PRG4: variants seen among roughly 807,000 people sequenced by gnomAD.
The protein encoded by PRG4 is articular superficial zone protein.
Under a neutral mutation model 91.2 loss-of-function variants are expected in PRG4, and 61 were observed. That is an observed-to-expected ratio of 0.67 (90% CI 0.54 to 0.83). The LOEUF is 0.83. PRG4 is among the 40% of genes least tolerant of loss of function. The pLI is 0.00. For missense variants in PRG4, 1,564 were observed against 1,714.2 expected (o/e 0.91, Z 1.55); for synonymous variants, 576 against 614.2 (o/e 0.94, Z 0.92).
chr1:186,298,220 A>G (rs1291828803), intron 2 of PRG4, among the ~76,000 whole-genome samples: 1 of 152,006 alleles, frequency 6.6e-6, no homozygotes, highest in Admixed American at 6.6e-5. Context: ...GTCTCTATAC[A>G]AAATACAAAA....
chr1:186,312,417 T>G (rs766571324), intron 11 of PRG4, 45 bp downstream of exon 11: 3 of 1,514,238 alleles, frequency 2.0e-6, no homozygotes, highest in Non-Finnish European at 2.7e-6. Flanking sequence ...CATAAGTAGA[T>G]GTAATACAGT....
intron 3 of PRG4, among the ~76,000 whole-genome samples, chr1:186,301,150 C>G (rs530667799): frequency 6.6e-6 from 1 of 151,928 alleles, no homozygotes; most frequent in African/African-American, 2.4e-5. Flanking sequence ...GACCCATTTA[C>G]GTGGAATATA....
intron 3 of PRG4, 29 bp downstream of exon 3, chr1:186,300,242 G>C: frequency 6.2e-7 from 1 of 1,613,320 alleles, no homozygotes; most frequent in Non-Finnish European, 8.5e-7. Flanking sequence ...TGTCTCCTCT[G>C]TCAAGCAACA....
chr1:186,302,345 G>A (rs1557930345), intron 4 of PRG4, among the ~76,000 whole-genome samples: 1 of 152,128 alleles, frequency 6.6e-6, no homozygotes, highest in Non-Finnish European at 1.5e-5. Flanking sequence ...TCTATTTATA[G>A]GTCTTGAAGG....
intron 6 of PRG4, among the ~76,000 whole-genome samples, chr1:186,305,779 C>A (rs373043097): frequency 1.3e-5 from 2 of 152,222 alleles, no homozygotes; most frequent in African/African-American, 4.8e-5. Context: ...TCCTTATGTC[C>A]CCTGGGACCT....
rs1657380073 is a variant in PRG4, at chr1:186,312,871, A to T, written c.4094A>T (p.Tyr1365Phe). 2 of 1,612,576 alleles carry T rather than the reference A, an allele frequency of 1.2e-6. No homozygotes were observed. The highest frequency in any genetic ancestry group is 3.3e-5 in the Admixed American group (2 of 60,018). ...CCCAACATCAGAAAACCTGACGGCT[A>T]TGATTACTATGCCTTTTCTAAAGGT... ...SLPNIRKPDG[Y>F]DYYAFSKDQY... Residue 1365 changes from tyrosine to phenylalanine, a missense_variant, in exon 12 of 13, where the codon TAT (tyrosine) becomes TTT (phenylalanine). Tyr to Phe is a conservative substitution (Grantham distance 22). This residue lies in a region of PRG4 where 1,079 missense variants were observed against 1,162.2 expected (regional missense o/e 0.93). Transcript: ENST00000445192.
chr1:186,304,740 C>CT (rs957501551), intron 5 of PRG4, 54 bp from the exon 6 acceptor site: 1 of 1,568,754 alleles, frequency 6.4e-7, no homozygotes, highest in African/African-American at 1.4e-5. Context: ...ACTGGTGGTT[C>CT]TTTTTTGTTT....
At chr1:186,313,492 G>C (rs1427420690) in intron 12 of PRG4, 189 bp from the exon 13 acceptor site, 2 of 539,486 alleles carry the variant, frequency 3.7e-6, no homozygotes, top group Non-Finnish European at 6.6e-6. Flanking sequence ...TCAATCTTTT[G>C]AAACATCAAA....
At position 186,300,115 on chromosome 1, in the gene PRG4, G is replaced by T. The variant is rs72711783; in HGVS notation, c.101G>T (p.Cys34Phe). Residue 34 changes from cysteine (C) to phenylalanine (F), a missense_variant, in exon 3 of 13, where the codon TGT becomes TTT. Physicochemically the swap from Cys to Phe is radical, Grantham distance 205. This residue lies in a region of PRG4 where 437 missense variants were observed against 459.0 expected (regional missense o/e 0.95). Coordinates refer to ENST00000445192, the MANE Select transcript of PRG4 (RefSeq NM_005807.6). ...SQDLSSCAGR[C>F]GEGYSRDATC... ...GATTTATCAAGCTGTGCAGGGAGAT[G>T]TGGGGAAGGGTATTCTAGAGATGCC... The T allele has an allele frequency of 6.2e-7, 1 of 1,613,990 alleles. No individual in the cohort carries two copies. Among genetic ancestry groups the T allele is most frequent in the Non-Finnish European group, 8.5e-7 (1 of 1,179,828 alleles).
In PRG4 at chr1:186,313,686, T is replaced by C. The variant is rs1657449871; in HGVS notation, c.4123T>C (p.Tyr1375His). ...ATGTTTTCTCTTCCATTTAGATCAA[T>C]ACTATAACATTGATGTGCCTAGTAG... ...YDYYAFSKDQ[Y>H]YNIDVPSRTA... is the part of the protein sequence containing the mutation. The change falls in exon 13 of 13, where the codon TAC becomes CAC. Residue 1375 changes from tyrosine to histidine, a missense_variant. By Grantham distance (83) the Tyr-to-His change is moderately conservative (BLOSUM62 2). Around this residue, in one of 3 missense-constraint regions of PRG4, gnomAD observed 1,079 missense variants for 1,162.2 expected, o/e 0.93. Coordinates refer to ENST00000445192, the MANE Select transcript of PRG4 (RefSeq NM_005807.6). 3 of 1,588,524 alleles carry C rather than the reference T, an allele frequency of 1.9e-6. No homozygotes were observed. The highest frequency in any genetic ancestry group is 1.7e-4 in the Middle Eastern group (1 of 6,018).
intron 4 of PRG4, 79 bp from the exon 5 acceptor site, chr1:186,304,029 A>T: frequency 6.8e-7 from 1 of 1,477,750 alleles, no homozygotes; most frequent in Admixed American, 1.7e-5. Context: ...TTGAAGCTAG[A>T]TGCATCTGTG....
intron 1 of PRG4, among the ~76,000 whole-genome samples, 184 bp downstream of exon 1, chr1:186,296,477 A>T (rs558883283): frequency 6.6e-6 from 1 of 152,366 alleles, no homozygotes; most frequent in East Asian, 1.9e-4. Flanking sequence ...TAACTCCATG[A>T]TGCTTATTAA....
rs577119475 is a variant in PRG4, at chr1:186,314,327, G to C, written c.*549G>C. 3 of 389,244 alleles carry C rather than the reference G, an allele frequency of 7.7e-6. No homozygotes were observed. In the South Asian group the frequency reaches 1.3e-4, roughly 17 times the overall value. 24.1% of individuals were successfully genotyped at this position (389,244 alleles called of 1,614,324 possible). On this transcript the variant is annotated 3_prime_UTR_variant, in exon 13 of 13. Coordinates refer to ENST00000445192, the MANE Select transcript of PRG4 (RefSeq NM_005807.6). The stretch of plus-strand genomic sequence containing the variant: ...AAAAATTAACAATATAATGGCAATA[G>C]GTAGAGATACAACAAATGAATATAA...
Position 186,312,914 on chromosome 1 carries a change from T to C in PRG4, c.4117+20T>C. On this transcript the variant is annotated intron_variant, in intron 12 of 12. Coordinates refer to ENST00000445192, the MANE Select transcript of PRG4 (RefSeq NM_005807.6). The stretch of plus-strand genomic sequence containing the variant: ...CTAAAGGTAAGGTATTAACTAACAG[T>C]TTCCCAAGGAGGTGATATCATTTGT... 6.2e-7 allele frequency: 1 copy of C among 1,603,216 alleles called. No individual in the cohort carries two copies. The highest frequency in any genetic ancestry group is 8.5e-7 in the Non-Finnish European group (1 of 1,170,212).
At chr1:186,309,202 C>T in intron 7 of PRG4, 62 bp downstream of exon 7, 1 of 1,506,172 alleles carries the variant, frequency 6.6e-7, no homozygotes, top group Non-Finnish European at 9.1e-7. Flanking sequence ...TCTATCTGAA[C>T]CAGAATGCCT....
chr1:186,300,043 T>C (rs779528676), intron 2 of PRG4, 48 bp from the exon 3 acceptor site: 2 of 1,605,930 alleles, frequency 1.2e-6, no homozygotes, highest in South Asian at 1.1e-5. Flanking sequence ...TTGCTCCCTT[T>C]CTATAAAGTG....
At position 186,296,905 on chromosome 1, in the gene PRG4, G is replaced by A. The variant is rs1371856357; in HGVS notation, c.30G>A (p.Leu10=). ...CATGGAAAACACTTCCCATTTACCT[G>A]TTGTTGCTGCTGTCTGTTTTCGTGA... MAWKTLPIY[L]LLLLSVFVIQ... is the part of the protein sequence containing the mutation. The change falls in exon 2 of 13, where the codon CTG becomes CTA. Residue 10 remains leucine, a synonymous_variant. Coordinates refer to ENST00000445192, the MANE Select transcript of PRG4 (RefSeq NM_005807.6). The A allele has an allele frequency of 1.2e-6, 2 of 1,613,940 alleles. No homozygotes were observed. The highest frequency in any genetic ancestry group is 1.7e-6 in the Non-Finnish European group (2 of 1,179,886).
intron 10 of PRG4, chr1:186,311,847 A>G (rs918301815): frequency 1.7e-6 from 1 of 572,846 alleles, no homozygotes; most frequent in South Asian, 2.1e-5. Context: ...CGCTTCACAA[A>G]TGTGCATGTC....
chr1:186,310,450 T>G (rs1657112831), intron 8 of PRG4, among the ~76,000 whole-genome samples: 1 of 152,202 alleles, frequency 6.6e-6, no homozygotes, highest in East Asian at 1.9e-4. Context: ...ATAAAGAAAT[T>G]GAGATCTAAA....
Sources: gnomAD v4.1 joint callset for allele counts (sites outside exome capture counted in the v4.1 genomes callset) on GRCh38, gnomAD v4.1.1 for gene constraint, gnomAD v4.1.1 regional missense constraint, MANE v1.5 for transcripts, NCBI Gene and HGNC (gene_info 2026-07-23, HGNC 2026-07-21) for gene names.